ESS2: variants seen among roughly 807,000 people sequenced by gnomAD.
ESS2 encodes ess-2 spliceosome associated protein.
Under a neutral mutation model 52.0 loss-of-function variants are expected in ESS2, and 31 were observed. The ratio of observed to expected loss-of-function variants is 0.60; its 90% CI spans 0.45 to 0.81. The LOEUF (loss-of-function observed/expected upper bound fraction) is 0.81. Among genes scored for constraint, ESS2 ranks in the 30% least tolerant of loss-of-function variants. The probability of loss-of-function intolerance (pLI) is 0.00; values close to 1 mark genes in which losing one functional copy is unlikely to be tolerated. For synonymous variants in ESS2, 285 were observed against 259.2 expected, an observed-to-expected ratio of 1.10 and a Z score of -0.95; for missense variants, 602 against 637.2, an observed-to-expected ratio of 0.94 and a Z score of 0.59.
At chr22:19,137,878 G>A (rs1273263114) in intron 7 of ESS2, 1 of 985,294 alleles carries the variant, frequency 1.0e-6, no homozygotes, top group African/African-American at 1.7e-5. Context: ...CCACTGAGGT[G>A]CTGGGCCTCC....
chr22:19,136,262 TG>T, intron 8 of ESS2, among the ~76,000 whole-genome samples: 1 of 144,176 alleles, frequency 6.9e-6, no homozygotes, highest in African/African-American at 2.5e-5. Context: ...CTTGGGAGGT[TG>T]AGGCAGGAGA....
rs1388771112 is a variant in ESS2 at position 19,131,904 on chromosome 22, A to G, written c.*2292T>C. 6.2e-7 allele frequency: 1 copy of G among 1,614,110 alleles called. No homozygotes were observed. The highest frequency in any genetic ancestry group is 1.7e-5 in the Admixed American group (1 of 60,018). ...CTGCCTGCGGGACAGCAATGGGCGC[A>G]TCATCCTCAGCAAGACCTTCTGCGG... On this transcript the variant is annotated 3_prime_UTR_variant, in exon 10 of 10. Transcript: ENST00000252137. This position sits in a 1 kb window ranked among gnomAD's most constrained non-coding sequence, Gnocchi z 5.7.
chr22:19,140,835 A>G (rs2083674060), intron 3 of ESS2, among the ~76,000 whole-genome samples: 1 of 152,248 alleles, frequency 6.6e-6, no homozygotes, highest in South Asian at 2.1e-4. Context: ...CAGAGAGATA[A>G]GAAGTGAAAC....
At position 19,131,530 on chromosome 22, in the gene ESS2, A is replaced by G. The variant is rs778976117; in HGVS notation, c.*2666T>C. The G allele has an allele frequency of 4.3e-6, 7 of 1,614,038 alleles. No individual in the cohort carries two copies. Among genetic ancestry groups the G allele is most frequent in the Admixed American group, 1.7e-5 (1 of 60,002 alleles). On this transcript the variant is annotated 3_prime_UTR_variant, in exon 10 of 10. Transcript: ENST00000252137. The surrounding 1 kb of genome is among the most constrained non-coding windows in gnomAD (Gnocchi z 5.7). Reference sequence around the variant, plus strand: ...TTCAATGTGGCTGTCAAGATCATCGACCGCAAGAAAACACCTACTGACTTT... The same window carrying G: ...TTCAATGTGGCTGTCAAGATCATCGGCCGCAAGAAAACACCTACTGACTTT...
In ESS2 at chr22:19,134,299, G is replaced by A. The variant is rs780144981; in HGVS notation, c.1328C>T (p.Ala443Val). The change falls in exon 10 of 10, where the codon GCG (alanine) becomes GTG (valine). Residue 443 changes from alanine to valine, a missense_variant. Coordinates refer to ENST00000252137, the MANE Select transcript of ESS2 (RefSeq NM_022719.3). Reference protein sequence around the residue: ...SGLQTPTSTPAPGSATRTPLT... With the variant: ...SGLQTPTSTPVPGSATRTPLT... ...AGGGGTGCGTGTGGCAGAGCCAGGC[G>A]CCGGTGTGCTTGTGGGGGTCTGCAG... 1.9e-5 allele frequency: 30 copies of A among 1,602,678 alleles called. No individual in the cohort carries two copies. The highest frequency in any genetic ancestry group is 4.4e-5 in the South Asian group (4 of 90,188).
At position 19,144,619 on chromosome 22, in the gene ESS2, C is replaced by A. The variant is rs532703283; in HGVS notation, c.22G>T (p.Ala8Ser). METPGAS[A>S]SSLLLPAASR... ...GCGGCGGGAAGCAACAAGGACGACGCTGATGCGCCCGGCGTCTCCATCGCT... is the reference window on the plus strand; with the variant it reads ...GCGGCGGGAAGCAACAAGGACGACGATGATGCGCCCGGCGTCTCCATCGCT... The change falls in exon 1 of 10, where the codon GCG (alanine) becomes TCG (serine). Residue 8 changes from alanine (A) to serine (S), a missense_variant. Physicochemically the swap from Ala to Ser is moderately conservative, Grantham distance 99 (BLOSUM62 1). Transcript: ENST00000252137. The A allele has an allele frequency of 9.1e-6, 14 of 1,546,866 alleles. 1 individual carries two copies. In the African/African-American group the frequency reaches 1.7e-4, roughly 18 times the overall value.
chr22:19,142,531 C>T lies in ESS2; in HGVS notation c.400+7G>A. ...CCATGTGACTTAAAGAGGGCACCCT[C>T]ACTCACCATCCTCCAGGCCTCGGCC... On this transcript the variant is annotated splice_region_variant and intron_variant, in intron 3 of 9. Coordinates refer to ENST00000252137, the MANE Select transcript of ESS2 (RefSeq NM_022719.3). The T allele has an allele frequency of 8.2e-6, 13 of 1,592,106 alleles. No individual in the cohort carries two copies. The highest frequency in any genetic ancestry group is 1.1e-5 in the Non-Finnish European group (13 of 1,171,588).
At chr22:19,139,565 A>ATTTG in intron 5 of ESS2, 47 bp downstream of exon 5, 1 of 1,551,306 alleles carries the variant, frequency 6.4e-7, no homozygotes, top group Non-Finnish European at 8.9e-7. Flanking sequence ...AGACACACAC[A>ATTTG]GCTCTACCCA....
At chr22:19,139,115 C>G in intron 6 of ESS2, 44 bp downstream of exon 6, 2 of 1,548,640 alleles carry the variant, frequency 1.3e-6, no homozygotes, top group African/African-American at 1.4e-5. Context: ...CCAGGCAGCC[C>G]TGTCCAACCT....
chr22:19,139,388 ACAAAAGCATTGAG>A, intron 5 of ESS2, 96 bp from the exon 6 acceptor site: 1 of 1,488,354 alleles, frequency 6.7e-7, no homozygotes, highest in Non-Finnish European at 9.0e-7. Context: ...TCCCAGATGA[ACAAAAGCATTGAG>A]CAGAACGCAG....
At position 19,131,987 on chromosome 22, in the gene ESS2, G is replaced by A. The variant is rs1405056809; in HGVS notation, c.*2209C>T. On this transcript the variant is annotated 3_prime_UTR_variant, in exon 10 of 10. Coordinates refer to ENST00000252137, the MANE Select transcript of ESS2 (RefSeq NM_022719.3). This position sits in a 1 kb window ranked among gnomAD's most constrained non-coding sequence, Gnocchi z 5.7. The stretch of plus-strand genomic sequence containing the variant: ...AGAGCATCCCCTACCAGCCCAAGGT[G>A]TATGACATCTGGAGCCTGGGCGTGA... 2.5e-6 allele frequency: 4 copies of A among 1,614,208 alleles called. No individual in the cohort carries two copies. In the South Asian group the frequency reaches 4.4e-5, roughly 18 times the overall value.
In ESS2 at chr22:19,139,793, G is replaced by A. The variant is rs532600836; in HGVS notation, c.570+62C>T. The A allele has an allele frequency of 2.2e-5, 35 of 1,613,872 alleles. No individual in the cohort carries two copies. The Admixed American group carries it at 4.5e-4, about 21-fold the overall frequency. ...CCTGGGCATTGTACCCATGGCCCTG[G>A]GGCTCCCCAACCACCACAGAGGGTG... On this transcript the variant is annotated intron_variant, in intron 4 of 9. Coordinates refer to ENST00000252137, the MANE Select transcript of ESS2 (RefSeq NM_022719.3).
At chr22:19,136,031 T>TAAAAAAA (rs377121962) in intron 8 of ESS2, among the ~76,000 whole-genome samples, 17 of 92,536 alleles carry the variant, frequency 1.8e-4, no homozygotes, top group African/African-American at 4.8e-4. Flanking sequence ...CCCTATCTGT[T>TAAAAAAA]AAAAAAAAAA....
intron 7 of ESS2, chr22:19,137,753 A>C: frequency 1.0e-6 from 1 of 985,248 alleles, no homozygotes; most frequent in Non-Finnish European, 1.2e-6. Context: ...CCCCAGGCAA[A>C]CCTGTGGTGC....
chr22:19,134,625 C>CG, intron 9 of ESS2, 150 bp from the exon 10 acceptor site: 2 of 832,066 alleles, frequency 2.4e-6, no homozygotes, highest in East Asian at 6.2e-5. Flanking sequence ...GCAGCAAATG[C>CG]GGGGGATCCC....
At chr22:19,135,941 G>T (rs2083573267) in intron 8 of ESS2, among the ~76,000 whole-genome samples, 1 of 149,902 alleles carries the variant, frequency 6.7e-6, no homozygotes, top group African/African-American at 2.5e-5. Flanking sequence ...GAGGCTGGAA[G>T]GTCATTTGAG....
chr22:19,141,181 A>T (rs1257676958), intron 3 of ESS2, among the ~76,000 whole-genome samples: 1 of 152,114 alleles, frequency 6.6e-6, no homozygotes, highest in African/African-American at 2.4e-5. Flanking sequence ...CACAAGCTAC[A>T]TTTCAACAGA....
intron 1 of ESS2, chr22:19,144,257 A>AT: frequency 7.8e-7 from 1 of 1,274,806 alleles, no homozygotes; most frequent in Non-Finnish European, 9.9e-7. Flanking sequence ...TTAACAGAAA[A>AT]TCTTCTTTCC....
Position 19,142,734 on chromosome 22 carries a change from G to A in ESS2, c.296C>T (p.Pro99Leu), listed in dbSNP as rs111488352. 16,925 of 1,613,558 alleles carry A rather than the reference G, an allele frequency of 0.01. 115 individuals carry two copies. The highest frequency in any genetic ancestry group is 0.013 in the Non-Finnish European group (15,340 of 1,179,714). ...SALGKMSREP[P>L]PPYVTPATFE... ...CCACAGGGTCCTCATACAGGGTGGC[G>A]GGGGCTCCCGGGACATCTTGCCCAA... The change falls in exon 2 of 10, where the codon CCG becomes CTG. Residue 99 changes from proline to leucine, a missense_variant. Coordinates refer to ENST00000252137, the MANE Select transcript of ESS2 (RefSeq NM_022719.3).
Sources: allele counts gnomAD v4.1 joint callset (sites outside exome capture counted in the v4.1 genomes callset), GRCh38; gene constraint gnomAD v4.1.1; non-coding constraint Gnocchi (gnomAD v3.1); transcripts MANE v1.5; gene names NCBI Gene and HGNC (gene_info 2026-07-23, HGNC 2026-07-21).